FAT3: variants seen among roughly 807,000 people sequenced by gnomAD.
FAT3 encodes the protein FAT atypical cadherin 3.
FAT3 carries 95 observed loss-of-function variants against 310.2 expected under a neutral mutation model. The ratio of observed to expected loss-of-function variants is 0.31; its 90% CI spans 0.26 to 0.36. The LOEUF (loss-of-function observed/expected upper bound fraction) is 0.36, where lower values mean the gene tolerates loss of function less well. Ranked by LOEUF, FAT3 falls within the 10% of genes least tolerant of loss-of-function variation. FAT3 has a pLI of 1.00. For missense variants in FAT3, 5,408 were observed against 5,715.6 expected (o/e 0.95, Z 1.74); for synonymous variants, 2,314 against 2,192.9 (o/e 1.06, Z -1.54).
intron 4 of FAT3, among the ~76,000 whole-genome samples, chr11:92,706,974 C>T (rs78511162): frequency 0.011 from 1,684 of 152,252 alleles, 38 homozygotes; most frequent in African/African-American, 0.038. Flanking sequence ...GTTGTGTGAG[C>T]ATGTCATCTG....
intron 3 of FAT3, among the ~76,000 whole-genome samples, chr11:92,599,027 A>T (rs1213732773): frequency 1.3e-5 from 2 of 152,150 alleles, no homozygotes; most frequent in African/African-American, 4.8e-5. Flanking sequence ...GCTTCTGAGA[A>T]TACAGCCTGT....
At chr11:92,637,318 T>C (rs1446003953) in intron 3 of FAT3, among the ~76,000 whole-genome samples, 4 of 152,194 alleles carry the variant, frequency 2.6e-5, no homozygotes, top group African/African-American at 9.7e-5. Context: ...TACAGGTGTC[T>C]AGCCCTATTG....
chr11:92,807,267 T>C (rs994675283), intron 12 of FAT3, among the ~76,000 whole-genome samples: 3 of 152,114 alleles, frequency 2.0e-5, no homozygotes, highest in Non-Finnish European at 4.4e-5. Flanking sequence ...CTAAGGCAGC[T>C]TTAAGGCCTT....
intron 19 of FAT3, among the ~76,000 whole-genome samples, chr11:92,848,175 A>G (rs1318158828): frequency 1.3e-5 from 2 of 152,234 alleles, no homozygotes; most frequent in African/African-American, 2.4e-5. Flanking sequence ...TCATACAGAG[A>G]GTTTTTGGTC....
At position 92,353,460 on chromosome 11, in the gene FAT3, A is replaced by G; in HGVS notation, c.1348A>G (p.Lys450Glu). ...KEVYKLEVTN[K>E]EGDLKAQVTI... The stretch of plus-strand genomic sequence containing the variant: ...GGTTTATAAACTGGAGGTGACAAAC[A>G]AGGAAGGAGATTTAAAAGCACAGGT... Residue 450 changes from lysine to glutamate, a missense_variant, in exon 2 of 28, where the codon AAG becomes GAG. Coordinates refer to ENST00000525166, the MANE Select transcript of FAT3 (RefSeq NM_001367949.2). 1 of 1,613,588 alleles carries G rather than the reference A, an allele frequency of 6.2e-7. No homozygotes were observed. Among genetic ancestry groups the G allele is most frequent in the Non-Finnish European group, 8.5e-7 (1 of 1,179,770 alleles).
chr11:92,282,589 T>G (rs533658887), intron 1 of FAT3, among the ~76,000 whole-genome samples: 1 of 151,226 alleles, frequency 6.6e-6, no homozygotes, highest in Non-Finnish European at 1.5e-5. Flanking sequence ...CACTTGAACC[T>G]GGAGGCAGAA....
At position 92,732,543 on chromosome 11, in the gene FAT3, G is replaced by A. The variant is rs149468909; in HGVS notation, c.3670-29313G>A. 8.6e-3 allele frequency among the ~76,000 whole-genome samples: 1,310 copies of A among 152,166 alleles called. 17 individuals carry two copies. Among genetic ancestry groups the A allele is most frequent in the African/African-American group, 0.03 (1,241 of 41,528 alleles). ...ACCTCTTCACAGCAAGCCATCATCT[G>A]ACAGTAGAGAATCAGAGAAAAACAT... On this transcript the variant is annotated intron_variant, in intron 4 of 27. Transcript: ENST00000525166.
intron 7 of FAT3, among the ~76,000 whole-genome samples, chr11:92,775,739 A>C (rs1946581994): frequency 6.6e-6 from 1 of 152,244 alleles, no homozygotes; most frequent in African/African-American, 2.4e-5. Flanking sequence ...TTAGTTTTCT[A>C]AAATATGAAA....
chr11:92,410,403 A>G (rs766302490), intron 2 of FAT3, among the ~76,000 whole-genome samples: 32 of 152,020 alleles, frequency 2.1e-4, no homozygotes, highest in Non-Finnish European at 3.2e-4. Context: ...GGGGAGAGAG[A>G]GTAATTACTC....
intron 19 of FAT3, 88 bp from the exon 20 acceptor site, chr11:92,857,126 G>A (rs759642763): frequency 3.6e-5 from 58 of 1,592,502 alleles, no homozygotes; most frequent in Non-Finnish European, 4.6e-5. Context: ...AGCCATTTGT[G>A]TGTTCCCTTT....
At chr11:92,426,580 A>G (rs1231748107) in intron 2 of FAT3, among the ~76,000 whole-genome samples, 3 of 152,188 alleles carry the variant, frequency 2.0e-5, no homozygotes, top group Non-Finnish European at 4.4e-5. Flanking sequence ...GTCAAGTTTC[A>G]GTTTTCTACA....
intron 3 of FAT3, among the ~76,000 whole-genome samples, chr11:92,538,367 C>T: frequency 6.6e-6 from 1 of 152,030 alleles, no homozygotes; most frequent in East Asian, 1.9e-4. Context: ...AAGGCAATAG[C>T]CAAGTTTCTT....
intron 4 of FAT3, among the ~76,000 whole-genome samples, chr11:92,700,111 C>T (rs1461329240): frequency 6.6e-6 from 1 of 152,124 alleles, no homozygotes; most frequent in Non-Finnish European, 1.5e-5. Context: ...TCTCTGAAGC[C>T]ACTAAAAGAA....
intron 2 of FAT3, among the ~76,000 whole-genome samples, chr11:92,415,157 A>T (rs1189706070): frequency 6.6e-6 from 1 of 152,230 alleles, no homozygotes; most frequent in Non-Finnish European, 1.5e-5. Flanking sequence ...AAAGAAAAAT[A>T]GATTTTCCTG....
chr11:92,712,405 A>G (rs1215217547), intron 4 of FAT3, among the ~76,000 whole-genome samples: 1 of 152,194 alleles, frequency 6.6e-6, no homozygotes, highest in African/African-American at 2.4e-5. Context: ...GAGGGAGGGC[A>G]TGAAAAATAA....
intron 1 of FAT3, among the ~76,000 whole-genome samples, chr11:92,288,297 G>A (rs1351314027): frequency 6.6e-6 from 1 of 152,122 alleles, no homozygotes; most frequent in Non-Finnish European, 1.5e-5. Context: ...AGGGCAGGGA[G>A]AGTTTGAGAG....
chr11:92,419,081 T>C (rs181987385), intron 2 of FAT3, among the ~76,000 whole-genome samples: 4 of 152,320 alleles, frequency 2.6e-5, no homozygotes, highest in African/African-American at 7.2e-5. Context: ...TTACATTCCC[T>C]GAGTGAAAGC....
rs1949926048 is a variant in FAT3 at position 92,891,989 on chromosome 11, C to G, written c.*876C>G. The G allele has an allele frequency of 6.6e-6, 1 of 151,260 alleles. No individual in the cohort carries two copies. The highest frequency in any genetic ancestry group is 1.5e-5 in the Non-Finnish European group (1 of 67,772). The allele number at this position is 151,260 out of a possible 1,614,324, so 9.4% of individuals were successfully genotyped here. On this transcript the variant is annotated 3_prime_UTR_variant, in exon 28 of 28. Transcript: ENST00000525166. ...AATTAGATATTTTTAGAAGTTTAAGCAAAACTCACAAATTCAGGGGGGAAA... is the reference window on the plus strand; with the variant it reads ...AATTAGATATTTTTAGAAGTTTAAGGAAAACTCACAAATTCAGGGGGGAAA...
intron 18 of FAT3, among the ~76,000 whole-genome samples, 174 bp downstream of exon 18, chr11:92,840,933 G>T (rs1386735129): frequency 6.6e-6 from 1 of 152,150 alleles, no homozygotes; most frequent in Non-Finnish European, 1.5e-5. Flanking sequence ...CTGCCTCTGT[G>T]TGTGAAACTG....
Sources: gnomAD v4.1 joint callset for allele counts (sites outside exome capture counted in the v4.1 genomes callset) on GRCh38, gnomAD v4.1.1 for gene constraint, MANE v1.5 for transcripts, NCBI Gene and HGNC (gene_info 2026-07-23, HGNC 2026-07-21) for gene names.